The following KLHL1 variants were observed in gnomAD, a reference collection of about 807,000 sequenced individuals.
The protein encoded by KLHL1 is kelch-like protein 1.
KLHL1 carries 47 observed loss-of-function variants against 77.7 expected under a neutral mutation model. That is an observed-to-expected ratio of 0.60 (90% confidence interval 0.48 to 0.77). KLHL1 has a LOEUF of 0.77. Ranked by LOEUF, KLHL1 falls within the 30% of genes least tolerant of loss-of-function variation. The pLI, the probability that KLHL1 is intolerant of heterozygous loss-of-function variation, is 0.00. For synonymous variants in KLHL1, 360 were observed against 325.2 expected, an observed-to-expected ratio of 1.11 and a Z score of -1.15; for missense variants, 925 against 910.8, an observed-to-expected ratio of 1.02 and a Z score of -0.20.
rs747837655 is a variant in KLHL1, at chr13:69,961,347, G to C, written c.778C>G (p.Pro260Ala). 9 of 1,612,764 alleles carry C rather than the reference G, an allele frequency of 5.6e-6. No individual in the cohort carries two copies. In the East Asian group the frequency reaches 2.0e-4, roughly 36 times the overall value. ...QEEIKMEGID[P>A]NALWDLVQFA... is the part of the protein sequence containing the mutation. Reference sequence around the variant, plus strand: ...TGGACAAGGTCCCAGAGAGCATTGGGGTCTATGCCTTCCATTTTGATCTCC... The same window carrying C: ...TGGACAAGGTCCCAGAGAGCATTGGCGTCTATGCCTTCCATTTTGATCTCC... The change falls in exon 3 of 11, where the codon CCC (proline) becomes GCC (alanine). Residue 260 changes from proline to alanine, a missense_variant. By Grantham distance (27) the Pro-to-Ala change is conservative. Transcript: ENST00000377844.
intron 1 of KLHL1, among the ~76,000 whole-genome samples, chr13:70,074,674 A>G (rs1887216897): frequency 6.6e-6 from 1 of 151,968 alleles, no homozygotes; most frequent in Non-Finnish European, 1.5e-5. Context: ...ACATTTTCCA[A>G]CACCCAACTT....
intron 6 of KLHL1, among the ~76,000 whole-genome samples, chr13:69,810,508 C>G (rs1294410077): frequency 6.6e-6 from 1 of 151,864 alleles, no homozygotes; most frequent in Admixed American, 6.6e-5. Context: ...AGACAACATT[C>G]CACAACCTCT....
At chr13:69,721,940 GT>G (rs146491338) in intron 8 of KLHL1, among the ~76,000 whole-genome samples, 1,539 of 152,108 alleles carry the variant, frequency 0.01, 27 homozygotes, top group African/African-American at 0.035. Flanking sequence ...TCACTTACAA[GT>G]TTTTAATCAT....
At chr13:70,047,874 A>G (rs1180652145) in intron 1 of KLHL1, among the ~76,000 whole-genome samples, 2 of 152,206 alleles carry the variant, frequency 1.3e-5, no homozygotes, top group African/African-American at 4.8e-5. Context: ...TAAAGGGGGA[A>G]GTGCAGTCTT....
chr13:69,817,780 G>C (rs924756451), intron 6 of KLHL1, among the ~76,000 whole-genome samples: 9 of 152,100 alleles, frequency 5.9e-5, no homozygotes, highest in African/African-American at 2.2e-4. Flanking sequence ...CAGGGAGATT[G>C]ATCAAAAAGA....
intron 7 of KLHL1, among the ~76,000 whole-genome samples, chr13:69,768,728 ACT>A (rs1334000629): frequency 6.6e-6 from 1 of 152,154 alleles, no homozygotes; most frequent in Non-Finnish European, 1.5e-5. Context: ...TAGTTAATAC[ACT>A]GTTTATGTTT....
At chr13:69,833,311 TTTTC>T (rs1216444481) in intron 6 of KLHL1, among the ~76,000 whole-genome samples, 3 of 151,978 alleles carry the variant, frequency 2.0e-5, no homozygotes, top group Non-Finnish European at 4.4e-5. Context: ...GAATGGACAA[TTTTC>T]AAAAGAACAT....
chr13:69,962,698 T>C (rs1371253892), intron 2 of KLHL1, among the ~76,000 whole-genome samples: 1 of 152,126 alleles, frequency 6.6e-6, no homozygotes, highest in East Asian at 1.9e-4. Flanking sequence ...AAAATTATGA[T>C]ATTTTCAAGT....
chr13:69,853,932 C>A (rs1006737490), intron 5 of KLHL1, among the ~76,000 whole-genome samples: 1 of 151,956 alleles, frequency 6.6e-6, no homozygotes, highest in Non-Finnish European at 1.5e-5. Context: ...TATTACTAAT[C>A]CCCCTTTCCC....
intron 4 of KLHL1, among the ~76,000 whole-genome samples, chr13:69,915,532 C>G (rs1258710771): frequency 6.6e-6 from 1 of 152,174 alleles, no homozygotes; most frequent in African/African-American, 2.4e-5. Context: ...GGAAAACCGG[C>G]TAGCCATATG....
chr13:70,062,283 T>A (rs981351718), intron 1 of KLHL1, among the ~76,000 whole-genome samples: 2 of 152,222 alleles, frequency 1.3e-5, no homozygotes, highest in African/African-American at 4.8e-5. Context: ...TGAGATTTAT[T>A]TATCTGTATT....
At chr13:70,015,869 C>G (rs1406325549) in intron 1 of KLHL1, among the ~76,000 whole-genome samples, 2 of 152,058 alleles carry the variant, frequency 1.3e-5, no homozygotes, top group Non-Finnish European at 2.9e-5. Context: ...ATAATATTAC[C>G]ATAACATAAC....
intron 5 of KLHL1, among the ~76,000 whole-genome samples, chr13:69,855,166 A>C (rs1215284973): frequency 6.6e-6 from 1 of 152,038 alleles, no homozygotes; most frequent in Admixed American, 6.6e-5. Context: ...CATCAGTGGC[A>C]CTAAGTACTA....
At chr13:69,983,576 C>CAAAAAAAAAAA (rs1282357751) in intron 1 of KLHL1, among the ~76,000 whole-genome samples, 3 of 40,780 alleles carry the variant, frequency 7.4e-5, no homozygotes, top group African/African-American at 3.4e-4. Context: ...CCTATCTTTA[C>CAAAAAAAAAAA]AAAAAAAAAA....
chr13:69,912,709 C>T (rs765984129), intron 4 of KLHL1, among the ~76,000 whole-genome samples: 3 of 152,070 alleles, frequency 2.0e-5, no homozygotes, highest in Admixed American at 6.6e-5. Flanking sequence ...GCCAAGTCAC[C>T]GCCAGACTCT....
chr13:69,942,612 G>T (rs1883401781), intron 3 of KLHL1, among the ~76,000 whole-genome samples: 3 of 151,818 alleles, frequency 2.0e-5, no homozygotes. Flanking sequence ...ATAATAATTT[G>T]CAAAACCCAC....
rs1260354627 is a variant in KLHL1 at position 70,045,008 on chromosome 13, C to A, written c.497+62195G>T. Reference sequence around the variant, plus strand: ...TGTCATGAAAAGGAAACAGCAACACCTAACTCTCACGGGTGCTATGTATAA... The same window carrying A: ...TGTCATGAAAAGGAAACAGCAACACATAACTCTCACGGGTGCTATGTATAA... On this transcript the variant is annotated intron_variant, in intron 1 of 10. Transcript: ENST00000377844. 5.3e-5 allele frequency among the ~76,000 whole-genome samples: 8 copies of A among 152,140 alleles called. No individual in the cohort carries two copies. In the South Asian group the frequency reaches 1.7e-3, roughly 31 times the overall value.
At chr13:69,909,047 C>T (rs1054893340) in intron 4 of KLHL1, among the ~76,000 whole-genome samples, 4 of 149,010 alleles carry the variant, frequency 2.7e-5, no homozygotes, top group Non-Finnish European at 4.5e-5. Context: ...GATTATTTAC[C>T]TCATATATTT....
intron 1 of KLHL1, among the ~76,000 whole-genome samples, chr13:70,042,504 A>G (rs916971438): frequency 6.6e-6 from 1 of 152,186 alleles, no homozygotes; most frequent in Non-Finnish European, 1.5e-5. Context: ...ACCTGGTGAC[A>G]CTGAAGCCAC....
Sources: allele counts gnomAD v4.1 joint callset (sites outside exome capture counted in the v4.1 genomes callset), GRCh38; gene constraint gnomAD v4.1.1; transcripts MANE v1.5; gene names NCBI Gene and HGNC (gene_info 2026-07-23, HGNC 2026-07-21).